Variants in SAMMSON observed in about 807,000 individuals in gnomAD.
SAMMSON encodes survival associated mitochondrial melanoma specific oncogenic non-coding RNA.
chr3:70,174,702 A>G (rs1177752137), intron 4 of SAMMSON, among the ~76,000 whole-genome samples: 1 of 152,042 alleles, frequency 6.6e-6, no homozygotes, highest in Non-Finnish European at 1.5e-5. Flanking sequence ...ATATTCTAGA[A>G]AAGGTTGACT....
intron 3 of SAMMSON, among the ~76,000 whole-genome samples, chr3:70,032,420 G>A (rs908341464): frequency 1.2e-4 from 18 of 152,160 alleles, no homozygotes; most frequent in African/African-American, 4.1e-4. Context: ...GTATTGAACC[G>A]TGAATTTTAA....
At chr3:70,115,487 C>G (rs1421598978) in intron 4 of SAMMSON, among the ~76,000 whole-genome samples, 1 of 152,082 alleles carries the variant, frequency 6.6e-6, no homozygotes, top group Non-Finnish European at 1.5e-5. Context: ...ACTTACGTAT[C>G]TAGTTTAAAT....
chr3:70,211,507 GCCCTTCCCTTCCCTTC>G (rs1701347708), intron 4 of SAMMSON, among the ~76,000 whole-genome samples: 1 of 5,280 alleles, frequency 1.9e-4, no homozygotes, highest in African/African-American at 4.1e-4. Context: ...CCTTCCCTTT[GCCCTTCCCTTCCCTTC>G]CCTTCCCTTT....
At chr3:70,330,024 A>G (rs1006967139) in intron 7 of SAMMSON, among the ~76,000 whole-genome samples, 2 of 151,968 alleles carry the variant, frequency 1.3e-5, no homozygotes, top group African/African-American at 2.4e-5. Flanking sequence ...TAATCTAAGT[A>G]TAAAAAGACG....
At chr3:70,433,621 TA>T (rs1450699170) in intron 2 of SAMMSON, among the ~76,000 whole-genome samples, 33 of 152,254 alleles carry the variant, frequency 2.2e-4, no homozygotes, top group Admixed American at 1.9e-3. Context: ...TTCATTCTAA[TA>T]GCTGTCTTTT....
intron 3 of SAMMSON, among the ~76,000 whole-genome samples, chr3:70,052,682 C>T (rs1022582155): frequency 2.6e-5 from 4 of 152,038 alleles, no homozygotes; most frequent in Admixed American, 1.3e-4. Context: ...GCATGATTGA[C>T]ATGTTGGGCT....
chr3:70,101,862 T>C (rs1159847858), intron 4 of SAMMSON, among the ~76,000 whole-genome samples: 1 of 152,184 alleles, frequency 6.6e-6, no homozygotes, highest in Non-Finnish European at 1.5e-5. Flanking sequence ...TCACAGATAA[T>C]GGCTTTTTGA....
intron 4 of SAMMSON, among the ~76,000 whole-genome samples, chr3:70,121,061 C>G (rs2106666887): frequency 6.6e-6 from 1 of 152,316 alleles, no homozygotes; most frequent in African/African-American, 2.4e-5. Context: ...GACAGATCAT[C>G]AGGCATTAGA....
intron 4 of SAMMSON, among the ~76,000 whole-genome samples, chr3:70,115,973 A>G (rs1576125695): frequency 6.6e-6 from 1 of 152,062 alleles, no homozygotes; most frequent in African/African-American, 2.4e-5. Flanking sequence ...TATTGAACTC[A>G]GGAACACATC....
intron 4 of SAMMSON, among the ~76,000 whole-genome samples, chr3:70,158,312 T>C (rs35358308): frequency 0.31 from 47,335 of 152,014 alleles, 9,703 homozygotes; most frequent in Non-Finnish European, 0.44. Flanking sequence ...CAATATATGG[T>C]ATTTTGTGTT....
chr3:70,065,737 A>G (rs577867890), intron 3 of SAMMSON, among the ~76,000 whole-genome samples: 8 of 152,028 alleles, frequency 5.3e-5, no homozygotes, highest in Admixed American at 1.3e-4. Flanking sequence ...ACCTCCTACA[A>G]TGCACAGCAC....
chr3:70,415,842 C>G (rs1376683930), intron 2 of SAMMSON, among the ~76,000 whole-genome samples: 2 of 152,088 alleles, frequency 1.3e-5, no homozygotes, highest in East Asian at 3.9e-4. Context: ...ACCGAGCTAC[C>G]CTTTAATTAT....
chr3:70,242,482 G>T (rs1315545410), intron 4 of SAMMSON, among the ~76,000 whole-genome samples: 2 of 152,132 alleles, frequency 1.3e-5, no homozygotes, highest in Non-Finnish European at 2.9e-5. Context: ...CAGTTACTTG[G>T]ACAAGCATGA....
At chr3:70,023,958 G>A (rs560731907) in intron 3 of SAMMSON, among the ~76,000 whole-genome samples, 27 of 152,074 alleles carry the variant, frequency 1.8e-4, no homozygotes, top group Admixed American at 3.3e-4. Flanking sequence ...TTTTCCTTCT[G>A]CCTGTCTCCA....
At chr3:70,166,207 A>G (rs1471168487) in intron 4 of SAMMSON, among the ~76,000 whole-genome samples, 2 of 152,112 alleles carry the variant, frequency 1.3e-5, no homozygotes, top group Middle Eastern at 3.4e-3. Context: ...TAGGCAGGTC[A>G]CTTAACCTCT....
At chr3:70,166,413 C>T (rs2067637495) in intron 4 of SAMMSON, among the ~76,000 whole-genome samples, 1 of 151,986 alleles carries the variant, frequency 6.6e-6, no homozygotes, top group African/African-American at 2.4e-5. Context: ...ATTTTGCTTT[C>T]TCATATCCTA....
intron 4 of SAMMSON, among the ~76,000 whole-genome samples, chr3:70,079,582 T>TA (rs1008889547): frequency 6.6e-6 from 1 of 152,354 alleles, no homozygotes; most frequent in Admixed American, 6.5e-5. Context: ...TCAGCACTTT[T>TA]CTATAAAATA....
At chr3:70,209,927 A>T (rs1451313098) in intron 4 of SAMMSON, among the ~76,000 whole-genome samples, 1 of 152,054 alleles carries the variant, frequency 6.6e-6, no homozygotes, top group African/African-American at 2.4e-5. Context: ...TATCCCATAC[A>T]TTAGAGAGTA....
intron 2 of SAMMSON, among the ~76,000 whole-genome samples, chr3:70,013,141 T>C (rs1292629667): frequency 6.6e-6 from 1 of 152,092 alleles, no homozygotes; most frequent in African/African-American, 2.4e-5. Flanking sequence ...TTCTGGCATA[T>C]AGTAAATGTG....
Sources: allele counts gnomAD v4.1 joint callset (sites outside exome capture counted in the v4.1 genomes callset), GRCh38; gene constraint gnomAD v4.1.1; transcripts MANE v1.5; gene names NCBI Gene and HGNC (gene_info 2026-07-23, HGNC 2026-07-21).